The following EPS15L1 variants were observed in gnomAD, a reference collection of about 807,000 sequenced individuals.
EPS15L1 encodes epidermal growth factor receptor substrate 15-like 1.
EPS15L1 carries 43 observed loss-of-function variants against 117.1 expected under a neutral mutation model. The ratio of observed to expected loss-of-function variants is 0.37; its 90% confidence interval spans 0.29 to 0.47. The LOEUF (loss-of-function observed/expected upper bound fraction) is 0.47. Among genes scored for constraint, EPS15L1 ranks in the 20% least tolerant of loss-of-function variants. The probability of loss-of-function intolerance (pLI) is 0.99; values close to 1 mark genes in which losing one functional copy is unlikely to be tolerated. For synonymous variants in EPS15L1, 459 were observed against 470.5 expected, an observed-to-expected ratio of 0.98 and a Z score of 0.32; for missense variants, 981 against 1,164.0, an observed-to-expected ratio of 0.84 and a Z score of 2.29.
rs1365762930 is a variant in EPS15L1, at chr19:16,471,514, C to T, written c.33+399G>A. On this transcript the variant is annotated intron_variant, in intron 1 of 23. Coordinates refer to ENST00000455140, the MANE Select transcript of EPS15L1 (RefSeq NM_001258374.3). The surrounding 1 kb of genome is among the most constrained non-coding windows in gnomAD (Gnocchi z 4.8). Reference sequence around the variant, plus strand: ...CGGGCTCCGGCGGGACCCTGCCCGCCCGGGCGCCGGGACCGGAGGGAGACA... The same window carrying T: ...CGGGCTCCGGCGGGACCCTGCCCGCTCGGGCGCCGGGACCGGAGGGAGACA... Among the ~76,000 whole-genome samples, 4 of 152,188 alleles carry T rather than the reference C, an allele frequency of 2.6e-5. No individual in the cohort carries two copies. The highest frequency in any genetic ancestry group is 1.3e-4 in the Admixed American group (2 of 15,292).
chr19:16,392,587 G>A (rs554309141), intron 18 of EPS15L1, 147 bp from the exon 19 acceptor site: 2 of 748,204 alleles, frequency 2.7e-6, no homozygotes, highest in African/African-American at 3.5e-5. Flanking sequence ...TGGTGGCCAG[G>A]GGACCCTGAG....
intron 10 of EPS15L1, among the ~76,000 whole-genome samples, chr19:16,418,752 G>T: frequency 6.6e-6 from 1 of 152,154 alleles, no homozygotes; most frequent in East Asian, 1.9e-4. Flanking sequence ...TGGGATTAGT[G>T]CCCTTATAAA....
At chr19:16,393,064 T>C (rs1304415332) in intron 18 of EPS15L1, among the ~76,000 whole-genome samples, 4 of 146,562 alleles carry the variant, frequency 2.7e-5, no homozygotes, top group Admixed American at 6.8e-5. Context: ...TAAAATATCC[T>C]GCAGGAGCTG....
chr19:16,456,883 A>G (rs1238206701), intron 1 of EPS15L1, among the ~76,000 whole-genome samples: 1 of 152,090 alleles, frequency 6.6e-6, no homozygotes, highest in Non-Finnish European at 1.5e-5. Flanking sequence ...GTGGAAGGGC[A>G]TGTGCATAGG....
rs2092225247 is a variant in EPS15L1, at chr19:16,371,588, T to A, written c.2380+5534A>T. ...AAATTGGGGAGAGGTTAAAGGTGAC[T>A]GGCTGGTTAGCGGTAGAACTGCGCT... On this transcript the variant is annotated intron_variant, in intron 22 of 23. Transcript: ENST00000455140. The surrounding 1 kb of genome is among the most constrained non-coding windows in gnomAD (Gnocchi z 4.7). 6.6e-6 allele frequency among the ~76,000 whole-genome samples: 1 copy of A among 152,156 alleles called. No homozygotes were observed. Among genetic ancestry groups the A allele is most frequent in the African/African-American group, 2.4e-5 (1 of 41,434 alleles).
intron 22 of EPS15L1, among the ~76,000 whole-genome samples, chr19:16,372,922 C>T (rs780635755): frequency 5.4e-4 from 82 of 152,348 alleles, no homozygotes; most frequent in Middle Eastern, 3.4e-3. Flanking sequence ...CAGAAGGAAG[C>T]GGCCTCAGTT....
intron 22 of EPS15L1, among the ~76,000 whole-genome samples, chr19:16,363,663 T>A (rs1369858668): frequency 6.6e-6 from 1 of 152,028 alleles, no homozygotes; most frequent in East Asian, 1.9e-4. Flanking sequence ...GAAGTGGAAA[T>A]GAGAAGGAGG....
intron 21 of EPS15L1, among the ~76,000 whole-genome samples, chr19:16,384,865 C>A (rs546410519): frequency 1.3e-5 from 2 of 152,302 alleles, no homozygotes; most frequent in Non-Finnish European, 2.9e-5. Context: ...ATGACTTCAC[C>A]GTCTGAGACC....
chr19:16,366,253 T>C (rs879655636), intron 22 of EPS15L1, among the ~76,000 whole-genome samples: 24 of 151,966 alleles, frequency 1.6e-4, no homozygotes, highest in Non-Finnish European at 2.6e-4. Context: ...TTTGCAAGAA[T>C]GTGGAGGGAG....
At chr19:16,412,000 C>T (rs75766304) in intron 13 of EPS15L1, among the ~76,000 whole-genome samples, 13,937 of 152,176 alleles carry the variant, frequency 0.092, 1,191 homozygotes, top group East Asian at 0.27. Context: ...CAGCCAGCCT[C>T]GTATACTTTA....
chr19:16,454,682 G>A (rs923901621), intron 1 of EPS15L1, among the ~76,000 whole-genome samples: 1 of 152,208 alleles, frequency 6.6e-6, no homozygotes, highest in African/African-American at 2.4e-5. Flanking sequence ...AAGGCCTACA[G>A]TCGCTGCCCT....
intron 2 of EPS15L1, 59 bp downstream of exon 2, chr19:16,442,119 C>G: frequency 6.5e-7 from 1 of 1,543,722 alleles, no homozygotes; most frequent in Non-Finnish European, 9.0e-7. Flanking sequence ...CTATTCTGTA[C>G]TGTGCTTTCA....
chr19:16,461,201 G>C (rs2093246850), intron 1 of EPS15L1, among the ~76,000 whole-genome samples: 1 of 151,998 alleles, frequency 6.6e-6, no homozygotes, highest in African/African-American at 2.4e-5. Context: ...CTACTCAGGA[G>C]GCTGAGGCAG....
chr19:16,375,466 A>G lies in EPS15L1; in HGVS notation c.2380+1656T>C, dbSNP rs527806656. Among the ~76,000 whole-genome samples, 444 of 149,416 alleles carry G rather than the reference A, an allele frequency of 3.0e-3. 2 individuals carry two copies. Among genetic ancestry groups the G allele is most frequent in the African/African-American group, 9.8e-3 (400 of 40,760 alleles). The stretch of plus-strand genomic sequence containing the variant: ...GTGCATGCATTGTGATTATGCATAT[A>G]TGTGTGTGTGTGTGTGTGTGTGTGT... On this transcript the variant is annotated intron_variant, in intron 22 of 23. Transcript: ENST00000455140.
intron 22 of EPS15L1, among the ~76,000 whole-genome samples, chr19:16,375,964 G>A (rs1286002353): frequency 6.6e-6 from 1 of 152,222 alleles, no homozygotes; most frequent in Non-Finnish European, 1.5e-5. Flanking sequence ...GTGAGCTGGG[G>A]GCATGCGGAG....
At chr19:16,462,765 C>T (rs1018586155) in intron 1 of EPS15L1, among the ~76,000 whole-genome samples, 2 of 152,156 alleles carry the variant, frequency 1.3e-5, no homozygotes, top group African/African-American at 4.8e-5. Flanking sequence ...GGAGACAGGG[C>T]CTGTGCAAAG....
chr19:16,465,508 T>A (rs2145200064), intron 1 of EPS15L1, among the ~76,000 whole-genome samples: 1 of 152,116 alleles, frequency 6.6e-6, no homozygotes, highest in Admixed American at 6.5e-5. Flanking sequence ...CATAGCAAGA[T>A]CCTGTCTCTA....
intron 1 of EPS15L1, among the ~76,000 whole-genome samples, chr19:16,445,588 A>G (rs934166460): frequency 6.6e-6 from 1 of 152,132 alleles, no homozygotes; most frequent in East Asian, 1.9e-4. Context: ...AACTGAAGAC[A>G]CATGTTGCTA....
intron 10 of EPS15L1, among the ~76,000 whole-genome samples, chr19:16,418,363 C>A (rs1286687976): frequency 5.9e-5 from 9 of 152,174 alleles, no homozygotes; most frequent in Admixed American, 2.6e-4. Flanking sequence ...GAGGAGCCGA[C>A]CCCCTGGGAA....
Sources: gnomAD v4.1 joint callset for allele counts (sites outside exome capture counted in the v4.1 genomes callset) on GRCh38, gnomAD v4.1.1 for gene constraint, Gnocchi (gnomAD v3.1) non-coding constraint, MANE v1.5 for transcripts, NCBI Gene and HGNC (gene_info 2026-07-23, HGNC 2026-07-21) for gene names.